The following WFS1 variants were observed in gnomAD, a reference collection of about 807,000 sequenced individuals.
The protein encoded by WFS1 is wolframin ER transmembrane glycoprotein.
Under a neutral mutation model 68.5 loss-of-function variants are expected in WFS1, and 90 were observed. The ratio of observed to expected loss-of-function variants is 1.31; its 90% CI spans 1.11 to 1.56. The LOEUF (loss-of-function observed/expected upper bound fraction) is 1.56, where lower values mean the gene tolerates loss of function less well. WFS1 is among the 40% of genes most tolerant of loss of function. WFS1 has a pLI of 0.00. For synonymous variants in WFS1, 860 were observed against 540.7 expected (o/e 1.59, Z -8.19); for missense variants, 1,767 against 1,232.6 (o/e 1.43, Z -6.49).
In WFS1 at chr4:6,269,890, C is replaced by G. The variant is rs576284630; in HGVS notation, c.-130C>G. Reference sequence around the variant, plus strand: ...CTAGCCGGCTCTTCAGCAGCGAGTGCAGATTGCTCCCCCGCGGCCGCAGAT... The same window carrying G: ...CTAGCCGGCTCTTCAGCAGCGAGTGGAGATTGCTCCCCCGCGGCCGCAGAT... On this transcript the variant is annotated 5_prime_UTR_variant, in exon 1 of 8. Transcript: ENST00000226760. The G allele has an allele frequency of 6.6e-6, 1 of 152,366 alleles. No homozygotes were observed. The allele number at this position is 152,366 out of a possible 1,614,324, so 9.4% of individuals were successfully genotyped here. A position where few individuals can be genotyped will look rare whatever the true frequency, so the allele number is the denominator to read the frequency against.
intron 4 of WFS1, 72 bp from the exon 5 acceptor site, chr4:6,291,125 T>C (rs1560409960): frequency 6.4e-7 from 1 of 1,552,232 alleles, no homozygotes; most frequent in South Asian, 1.1e-5. Flanking sequence ...CCAGGCAGAG[T>C]TGGCAGGGTC....
intron 2 of WFS1, among the ~76,000 whole-genome samples, chr4:6,285,120 G>A (rs6817447): frequency 3.1e-4 from 47 of 151,240 alleles, no homozygotes; most frequent in African/African-American, 1.0e-3. Context: ...TGAGGACCCC[G>A]GCAAGGAAGC....
chr4:6,294,853 C>T, intron 6 of WFS1, 188 bp from the exon 7 acceptor site: 1 of 881,734 alleles, frequency 1.1e-6, no homozygotes, highest in Admixed American at 2.2e-5. Context: ...GCAAACCTGC[C>T]CCCTTCCTCC....
At chr4:6,270,041 G>GCGCGGTGGCTGTGGGCAA (rs1228608947) in intron 1 of WFS1, 27 bp downstream of exon 1, 1 of 97,844 alleles carries the variant, frequency 1.0e-5, no homozygotes, top group African/African-American at 6.7e-5. Context: ...TGGGGCAGTG[G>GCGCGGTGGCTGTGGGCAA]CGCGGTGGCT....
rs1730893286 is a variant in WFS1 at position 6,301,271 on chromosome 4, T to C, written c.1476T>C (p.Pro492=). 7 of 1,611,372 alleles carry C rather than the reference T, an allele frequency of 4.3e-6. No individual in the cohort carries two copies. The highest frequency in any genetic ancestry group is 5.1e-6 in the Non-Finnish European group (6 of 1,180,030). Reference sequence around the variant, plus strand: ...TTGGCCAGACCTTCATCACCGTGCCTGTCGGCCACCTGGTCGTCCTCAACG... The same window carrying C: ...TTGGCCAGACCTTCATCACCGTGCCCGTCGGCCACCTGGTCGTCCTCAACG... ...KVLGQTFITV[P]VGHLVVLNVS... The change falls in exon 8 of 8, where the codon CCT becomes CCC. Residue 492 remains proline (P), a synonymous_variant. Coordinates refer to ENST00000226760, the MANE Select transcript of WFS1 (RefSeq NM_006005.3).
At position 6,291,374 on chromosome 4, in the gene WFS1, G is replaced by A. The variant is rs1045809126; in HGVS notation, c.631+7G>A. On this transcript the variant is annotated splice_region_variant and intron_variant, in intron 5 of 7. Transcript: ENST00000226760. ...GGCCAGGTCAACGAGCACGGTGCGA[G>A]GATTCACCCTGGGCACCAGCCTTCC... is the stretch of plus-strand genomic sequence containing the variant. The A allele has an allele frequency of 6.2e-7, 1 of 1,611,740 alleles. No homozygotes were observed. The highest frequency in any genetic ancestry group is 8.5e-7 in the Non-Finnish European group (1 of 1,179,960).
In WFS1 at chr4:6,274,293, C is replaced by T. The variant is rs190576839; in HGVS notation, c.-5-3158C>T. ...TGATCTCCTGACCTTGTGATCTGCCCGCCTCGGCCTCCCAAAGTGCTGGGA... is the reference window on the plus strand; with the variant it reads ...TGATCTCCTGACCTTGTGATCTGCCTGCCTCGGCCTCCCAAAGTGCTGGGA... On this transcript the variant is annotated intron_variant, in intron 1 of 7. Transcript: ENST00000226760. 4.8e-3 allele frequency among the ~76,000 whole-genome samples: 721 copies of T among 151,334 alleles called. 4 individuals are homozygous for T. Among genetic ancestry groups the T allele is most frequent in the African/African-American group, 0.016 (651 of 41,224 alleles).
rs11732208 is a variant in WFS1, at chr4:6,290,989, G to C, written c.461-208G>C. Among the ~76,000 whole-genome samples, 97,209 of 151,964 alleles carry C rather than the reference G, an allele frequency of 0.64. 31,701 individuals are homozygous for C. The highest frequency in any genetic ancestry group is 0.93 in the East Asian group (4,787 of 5,122). ...AGGGGGCACTTGGGGGCGTCTGGTG[G>C]GAGACCAGTCTGGCCTCCCAGCTGG... On this transcript the variant is annotated intron_variant, in intron 4 of 7. Coordinates refer to ENST00000226760, the MANE Select transcript of WFS1 (RefSeq NM_006005.3).
chr4:6,274,992 G>T (rs916866636), intron 1 of WFS1, among the ~76,000 whole-genome samples: 1 of 152,122 alleles, frequency 6.6e-6, no homozygotes, highest in African/African-American at 2.4e-5. Flanking sequence ...TGTGAAGTGG[G>T]GTGAGGTTGA....
rs1445355190 is a variant in WFS1 at position 6,301,309 on chromosome 4, G to C, written c.1514G>C (p.Cys505Ser). The C allele has an allele frequency of 2.5e-5, 40 of 1,611,424 alleles. No individual in the cohort carries two copies. The East Asian group carries it at 8.9e-4, about 36-fold the overall frequency. ...GTCGTCCTCAACGTCAGCGTCCCGT[G>C]CCTGCTCTATGTCTACCTGCTCTAT... ...HLVVLNVSVPCLLYVYLLYLF... is the reference protein window; with the variant it reads ...HLVVLNVSVPSLLYVYLLYLF... The change falls in exon 8 of 8, where the codon TGC (cysteine) becomes TCC (serine). Residue 505 changes from cysteine to serine, a missense_variant. Coordinates refer to ENST00000226760, the MANE Select transcript of WFS1 (RefSeq NM_006005.3).
At chr4:6,299,598 G>GGGT (rs1553878039) in intron 7 of WFS1, among the ~76,000 whole-genome samples, 1 of 32,520 alleles carries the variant, frequency 3.1e-5, no homozygotes, top group Non-Finnish European at 5.6e-5. Flanking sequence ...TGTAGGGGTG[G>GGGT]GTTTGAATGC....
intron 1 of WFS1, among the ~76,000 whole-genome samples, 163 bp from the exon 2 acceptor site, chr4:6,277,288 C>T (rs775056106): frequency 3.3e-5 from 5 of 152,242 alleles, no homozygotes; most frequent in Non-Finnish European, 7.3e-5. Context: ...TCCCTGGAAG[C>T]GGTGCTGGCC....
Position 6,302,751 on chromosome 4 carries a change from G to C in WFS1, c.*283G>C. The C allele has an allele frequency of 3.7e-6, 2 of 545,774 alleles. No individual in the cohort carries two copies. The highest frequency in any genetic ancestry group is 3.4e-5 in the Admixed American group (1 of 29,744). 33.8% of individuals were successfully genotyped at this position (545,774 alleles called of 1,614,324 possible). The stretch of plus-strand genomic sequence containing the variant: ...ATGGGTGTGCCAGGCTAGACTAGGA[G>C]GTTCCGGTGTCTGGAAAAGCACTTT... On this transcript the variant is annotated 3_prime_UTR_variant, in exon 8 of 8. Coordinates refer to ENST00000226760, the MANE Select transcript of WFS1 (RefSeq NM_006005.3).
intron 2 of WFS1, among the ~76,000 whole-genome samples, chr4:6,285,949 A>C (rs756201351): frequency 3.9e-5 from 6 of 152,198 alleles, no homozygotes; most frequent in Non-Finnish European, 1.5e-5. Flanking sequence ...ACTGTAGTTG[A>C]TGTTTTGACC....
intron 6 of WFS1, among the ~76,000 whole-genome samples, chr4:6,293,806 G>A (rs1247581560): frequency 2.0e-5 from 3 of 152,198 alleles, no homozygotes; most frequent in Non-Finnish European, 4.4e-5. Flanking sequence ...ATGTGTGGGT[G>A]GCATTGGTGA....
At chr4:6,296,181 G>A (rs545751607) in intron 7 of WFS1, among the ~76,000 whole-genome samples, 160 of 152,294 alleles carry the variant, frequency 1.1e-3, no homozygotes, top group African/African-American at 3.5e-3. Context: ...CACCGTCCTC[G>A]AGCCAGGGAG....
intron 3 of WFS1, chr4:6,288,463 G>A (rs574939873): frequency 3.8e-4 from 84 of 219,640 alleles, no homozygotes; most frequent in Admixed American, 1.6e-3. Context: ...TCTCTGCCGT[G>A]TTGCTCAGCT....
intron 1 of WFS1, among the ~76,000 whole-genome samples, chr4:6,276,629 C>G (rs1272409724): frequency 6.6e-6 from 1 of 152,228 alleles, no homozygotes; most frequent in Admixed American, 6.5e-5. Flanking sequence ...CTCTTCTCCC[C>G]TCCCCAGCTC....
chr4:6,297,567 T>G (rs1578603371), intron 7 of WFS1, among the ~76,000 whole-genome samples: 3 of 152,318 alleles, frequency 2.0e-5, no homozygotes, highest in Admixed American at 2.0e-4. Context: ...CCCACAGGTT[T>G]GAGCAGAATC....
Sources: allele counts gnomAD v4.1 joint callset (sites outside exome capture counted in the v4.1 genomes callset), GRCh38; gene constraint gnomAD v4.1.1; transcripts MANE v1.5; gene names NCBI Gene and HGNC (gene_info 2026-07-23, HGNC 2026-07-21).